WDPCP: variants seen among roughly 807,000 people sequenced by gnomAD.
WDPCP encodes WD repeat-containing and planar cell polarity effector protein fritz homolog.
WDPCP carries 71 observed loss-of-function variants against 93.1 expected under a neutral mutation model. The ratio of observed to expected loss-of-function variants is 0.76; its 90% confidence interval spans 0.63 to 0.93. The LOEUF is 0.93. WDPCP is among the 40% of genes least tolerant of loss of function. The pLI, the probability that WDPCP is intolerant of heterozygous loss-of-function variation, is 0.00. For synonymous variants in WDPCP, 315 were observed against 315.0 expected, an observed-to-expected ratio of 1.00 and a Z score of 0.00; for missense variants, 844 against 887.4, an observed-to-expected ratio of 0.95 and a Z score of 0.62.
intron 9 of WDPCP, among the ~76,000 whole-genome samples, chr2:63,431,531 C>A (rs1696759603): frequency 1.4e-5 from 2 of 147,716 alleles, no homozygotes; most frequent in African/African-American, 5.0e-5. Flanking sequence ...ATGATTAGTC[C>A]AAGAAGTCCC....
chr2:63,151,879 A>G (rs1671910603), intron 17 of WDPCP, among the ~76,000 whole-genome samples: 1 of 152,120 alleles, frequency 6.6e-6, no homozygotes. Flanking sequence ...GAAGAAGTTG[A>G]GGCTTAGAGA....
At chr2:63,572,769 A>C (rs534077339) in intron 1 of WDPCP, among the ~76,000 whole-genome samples, 68 of 151,050 alleles carry the variant, frequency 4.5e-4, no homozygotes, top group African/African-American at 1.4e-3. Context: ...AAGAGGGCAA[A>C]ATCATGCAAT....
At chr2:63,502,315 C>A (rs911831532) in intron 1 of WDPCP, among the ~76,000 whole-genome samples, 5 of 152,118 alleles carry the variant, frequency 3.3e-5, no homozygotes, top group African/African-American at 1.2e-4. Flanking sequence ...TAATAAATAA[C>A]CATCTGTTTC....
chr2:63,669,048 G>C (rs991759550), intron 2 of WDPCP, among the ~76,000 whole-genome samples: 10 of 152,144 alleles, frequency 6.6e-5, no homozygotes, highest in African/African-American at 2.4e-4. Context: ...ACTTAGCATT[G>C]CTAGGTAAAC....
intron 1 of WDPCP, among the ~76,000 whole-genome samples, chr2:63,824,933 T>C (rs548421486): frequency 3.4e-4 from 52 of 152,260 alleles, no homozygotes; most frequent in African/African-American, 1.2e-3. Context: ...CAGTTAATAA[T>C]TGACATTTTC....
chr2:63,540,582 GT>G (rs201931271), intron 1 of WDPCP, among the ~76,000 whole-genome samples: 2 of 152,142 alleles, frequency 1.3e-5, no homozygotes, highest in East Asian at 3.9e-4. Context: ...ATATGAGACT[GT>G]TTTATATTAT....
At chr2:63,217,803 A>T (rs761125734) in intron 14 of WDPCP, among the ~76,000 whole-genome samples, 2 of 152,176 alleles carry the variant, frequency 1.3e-5, no homozygotes, top group African/African-American at 2.4e-5. Context: ...GGCTTTAAAC[A>T]TCGACTTACA....
At chr2:63,807,529 G>A (rs1003795415) in intron 2 of WDPCP, among the ~76,000 whole-genome samples, 4 of 152,146 alleles carry the variant, frequency 2.6e-5, no homozygotes, top group Non-Finnish European at 5.9e-5. Flanking sequence ...CCAATCACAC[G>A]TCTTTTCTTC....
At chr2:63,350,479 A>C (rs1242134011) in intron 12 of WDPCP, among the ~76,000 whole-genome samples, 4 of 140,658 alleles carry the variant, frequency 2.8e-5, no homozygotes, top group African/African-American at 1.0e-4. Context: ...CGAAACCCAA[A>C]AAAAAAAAAA....
intron 2 of WDPCP, among the ~76,000 whole-genome samples, chr2:63,774,759 T>C (rs188864663): frequency 6.6e-6 from 1 of 152,266 alleles, no homozygotes; most frequent in Admixed American, 6.5e-5. Flanking sequence ...CAAGTCATTC[T>C]TGAATCCCCA....
chr2:63,129,193 G>T (rs1670126627), intron 17 of WDPCP, among the ~76,000 whole-genome samples: 1 of 152,104 alleles, frequency 6.6e-6, no homozygotes, highest in Admixed American at 6.5e-5. Context: ...TGGCCATTTT[G>T]GTTGTTTCCA....
chr2:63,302,059 C>A (rs138137728), intron 13 of WDPCP, among the ~76,000 whole-genome samples: 25 of 152,230 alleles, frequency 1.6e-4, no homozygotes, highest in Non-Finnish European at 7.3e-5. Flanking sequence ...GGAACCACCT[C>A]ATGATCCCCC....
chr2:63,259,077 G>C (rs1317494056), intron 14 of WDPCP, among the ~76,000 whole-genome samples: 2 of 152,092 alleles, frequency 1.3e-5, no homozygotes, highest in Non-Finnish European at 2.9e-5. Flanking sequence ...TTGACTTTTT[G>C]CTAAATGATG....
chr2:63,608,444 GCTTAACACA>G (rs1246892359), intron 3 of WDPCP, among the ~76,000 whole-genome samples: 2 of 152,036 alleles, frequency 1.3e-5, no homozygotes, highest in Non-Finnish European at 2.9e-5. Context: ...TCATCCTCAT[GCTTAACACA>G]CTGTCCACAT....
chr2:63,540,192 ATATT>A (rs1418928865), intron 1 of WDPCP, among the ~76,000 whole-genome samples: 2 of 152,224 alleles, frequency 1.3e-5, no homozygotes, highest in African/African-American at 2.4e-5. Context: ...CAATAGACAA[ATATT>A]TATTTGGCCT....
At chr2:63,198,178 T>C (rs1675601808) in intron 14 of WDPCP, among the ~76,000 whole-genome samples, 1 of 152,198 alleles carries the variant, frequency 6.6e-6, no homozygotes, top group South Asian at 2.1e-4. Context: ...TTATGGAAAT[T>C]CCATTTATTA....
intron 2 of WDPCP, among the ~76,000 whole-genome samples, chr2:63,725,795 T>C (rs1669488721): frequency 1.3e-5 from 2 of 152,290 alleles, no homozygotes; most frequent in Non-Finnish European, 2.9e-5. Context: ...TCTCTGATGA[T>C]TGGTGATGTT....
At chr2:63,474,779 T>C (rs1450342861) in intron 6 of WDPCP, among the ~76,000 whole-genome samples, 1 of 152,146 alleles carries the variant, frequency 6.6e-6, no homozygotes, top group Non-Finnish European at 1.5e-5. Flanking sequence ...ATGTAATGTA[T>C]TAATGTAAGT....
rs145226788 is a variant in WDPCP at position 63,437,812 on chromosome 2, T to C, written c.500-258A>G. The C allele has an allele frequency of 2.7e-4, 416 of 1,550,736 alleles. No homozygotes were observed. In the African/African-American group the frequency reaches 5.3e-3, roughly 20 times the overall value. ...ATTTGGGGACCACCAATGGATGAGA[T>C]GTATTTAGAAACAGGGCTATAAAGG... is the stretch of plus-strand genomic sequence containing the variant. On this transcript the variant is annotated intron_variant, in intron 7 of 17. Transcript: ENST00000272321.
Sources: allele counts gnomAD v4.1 joint callset (sites outside exome capture counted in the v4.1 genomes callset), GRCh38; gene constraint gnomAD v4.1.1; transcripts MANE v1.5; gene names NCBI Gene and HGNC (gene_info 2026-07-23, HGNC 2026-07-21).